The following ARB2A variants were observed in gnomAD, a reference collection of about 807,000 sequenced individuals.
ARB2A encodes cotranscriptional regulator ARB2A.
chr5:94,051,777 A>G, the ARB2A span, among the ~76,000 whole-genome samples: 1 of 152,174 alleles, frequency 6.6e-6, no homozygotes, highest in East Asian at 1.9e-4. Flanking sequence ...TATTCTATAG[A>G]AAAGGACTCT....
At chr5:93,999,954 G>A in the ARB2A span, among the ~76,000 whole-genome samples, 1 of 152,010 alleles carries the variant, frequency 6.6e-6, no homozygotes, top group African/African-American at 2.4e-5. Flanking sequence ...AGAAATATAT[G>A]GTTAAGATTC....
the ARB2A span, among the ~76,000 whole-genome samples, chr5:94,065,078 A>G: frequency 6.6e-6 from 1 of 152,282 alleles, no homozygotes; most frequent in Non-Finnish European, 1.5e-5. Context: ...TATCAATAAT[A>G]ACCTTTAATA....
At chr5:93,893,992 ATG>A in the ARB2A span, among the ~76,000 whole-genome samples, 2 of 152,194 alleles carry the variant, frequency 1.3e-5, no homozygotes, top group Non-Finnish European at 2.9e-5. Flanking sequence ...TTTTCAAAAT[ATG>A]TGTTGCAGGG....
the ARB2A span, among the ~76,000 whole-genome samples, chr5:94,073,301 C>T: frequency 1.3e-5 from 2 of 152,054 alleles, no homozygotes; most frequent in Admixed American, 6.6e-5. Context: ...CCCATTTGTA[C>T]CCAGCATTAT....
chr5:94,033,272 A>T, the ARB2A span, among the ~76,000 whole-genome samples: 1 of 152,130 alleles, frequency 6.6e-6, no homozygotes, highest in Non-Finnish European at 1.5e-5. Context: ...TGTATTTTGG[A>T]AGCAGATAAC....
the ARB2A span, among the ~76,000 whole-genome samples, chr5:93,803,465 C>G: frequency 6.7e-6 from 1 of 148,342 alleles, no homozygotes; most frequent in South Asian, 2.2e-4. Flanking sequence ...CCCCCCCACC[C>G]AAAAAGAGGG....
At chr5:93,845,455 A>T in the ARB2A span, among the ~76,000 whole-genome samples, 2 of 152,222 alleles carry the variant, frequency 1.3e-5, no homozygotes, top group Admixed American at 6.5e-5. Flanking sequence ...AATGGCCTAT[A>T]CTAAGTGAAG....
At chr5:93,962,410 G>A in the ARB2A span, among the ~76,000 whole-genome samples, 93 of 152,136 alleles carry the variant, frequency 6.1e-4, no homozygotes, top group Admixed American at 3.2e-3. Context: ...TGAGAGATGT[G>A]GATTAAACAT....
chr5:93,649,163 C>T, the ARB2A span, among the ~76,000 whole-genome samples: 1 of 151,854 alleles, frequency 6.6e-6, no homozygotes, highest in Non-Finnish European at 1.5e-5. Context: ...TTTAAAAATG[C>T]ATTATTTTAT....
At chr5:93,810,130 T>C in the ARB2A span, among the ~76,000 whole-genome samples, 1 of 151,830 alleles carries the variant, frequency 6.6e-6, no homozygotes, top group Non-Finnish European at 1.5e-5. Context: ...TTTCTTTAAA[T>C]GAAGAGTTCC....
the ARB2A span, among the ~76,000 whole-genome samples, chr5:93,704,210 T>A: frequency 6.6e-6 from 1 of 152,144 alleles, no homozygotes; most frequent in Non-Finnish European, 1.5e-5. Flanking sequence ...CTGTTAAGTA[T>A]GAGATGATGG....
chr5:93,760,611 A>C, the ARB2A span, among the ~76,000 whole-genome samples: 1 of 152,080 alleles, frequency 6.6e-6, no homozygotes, highest in Admixed American at 6.6e-5. Context: ...ACTTACAGCC[A>C]ACTGATCTTT....
the ARB2A span, among the ~76,000 whole-genome samples, chr5:93,775,493 A>G: frequency 4.6e-5 from 7 of 152,218 alleles, no homozygotes; most frequent in African/African-American, 1.7e-4. Flanking sequence ...ACTCAAATAC[A>G]AAGCCTTTAG....
the ARB2A span, among the ~76,000 whole-genome samples, chr5:93,839,208 T>G: frequency 6.6e-6 from 1 of 152,194 alleles, no homozygotes; most frequent in African/African-American, 2.4e-5. Context: ...CTTTGAAGTA[T>G]GTTCCTTCAA....
At chr5:93,715,441 A>G in the ARB2A span, among the ~76,000 whole-genome samples, 2 of 152,206 alleles carry the variant, frequency 1.3e-5, no homozygotes, top group African/African-American at 4.8e-5. Context: ...TGCACTTTGT[A>G]GTGTGCAGCA....
chr5:93,712,325 G>C, the ARB2A span, among the ~76,000 whole-genome samples: 1 of 152,114 alleles, frequency 6.6e-6, no homozygotes, highest in African/African-American at 2.4e-5. Context: ...ATTAAGTCCA[G>C]GTAAGTTTCT....
At chr5:93,882,268 T>C in the ARB2A span, among the ~76,000 whole-genome samples, 1 of 151,436 alleles carries the variant, frequency 6.6e-6, no homozygotes, top group Admixed American at 6.6e-5. Context: ...TTGTGTACCT[T>C]GAATTTTATT....
chr5:93,781,103 T>C, the ARB2A span, among the ~76,000 whole-genome samples: 7 of 152,300 alleles, frequency 4.6e-5, no homozygotes, highest in East Asian at 1.4e-3. Context: ...GGGCTTTTAG[T>C]GTAACTGTCA....
chr5:93,645,576 G>GAAAAAAAAA, the ARB2A span, among the ~76,000 whole-genome samples: 1 of 90,092 alleles, frequency 1.1e-5, no homozygotes, highest in African/African-American at 3.4e-5. Flanking sequence ...CCGTCTCAAA[G>GAAAAAAAAA]AAAAAAAAAA....
Sources: allele counts gnomAD v4.1 joint callset (sites outside exome capture counted in the v4.1 genomes callset), GRCh38; gene constraint gnomAD v4.1.1; transcripts MANE v1.5; gene names NCBI Gene and HGNC (gene_info 2026-07-23, HGNC 2026-07-21).